The following MDFIC2 variants were observed in gnomAD, a reference collection of about 807,000 sequenced individuals.
MDFIC2 encodes the protein myoD family inhibitor domain-containing protein 2.
At chr3:70,214,341 G>C (rs949841639) in intron 2 of MDFIC2, among the ~76,000 whole-genome samples, 1 of 152,052 alleles carries the variant, frequency 6.6e-6, no homozygotes, top group Non-Finnish European at 1.5e-5. Context: ...CTAAAACCCT[G>C]CCTCAAGAAA....
At chr3:70,289,701 C>G (rs900216789) in intron 2 of MDFIC2, among the ~76,000 whole-genome samples, 1 of 152,190 alleles carries the variant, frequency 6.6e-6, no homozygotes, top group Non-Finnish European at 1.5e-5. Flanking sequence ...GTACACCAAT[C>G]AGACCTAGAT....
chr3:70,217,331 C>T (rs1057463773), intron 2 of MDFIC2, among the ~76,000 whole-genome samples: 2 of 152,074 alleles, frequency 1.3e-5, no homozygotes, highest in African/African-American at 4.8e-5. Context: ...GCATTGTTGT[C>T]ATGATTTTAA....
intron 2 of MDFIC2, among the ~76,000 whole-genome samples, chr3:70,299,683 C>T (rs1324939066): frequency 6.6e-6 from 1 of 152,098 alleles, no homozygotes; most frequent in Non-Finnish European, 1.5e-5. Flanking sequence ...CAACAAGCTT[C>T]TAACTAGTCA....
chr3:70,273,658 G>A (rs1039600381), intron 2 of MDFIC2, among the ~76,000 whole-genome samples: 3 of 152,180 alleles, frequency 2.0e-5, no homozygotes, highest in Non-Finnish European at 4.4e-5. Context: ...AGGTACAGAT[G>A]GACTTGGCAC....
At chr3:70,284,192 G>T (rs1702117392) in intron 2 of MDFIC2, among the ~76,000 whole-genome samples, 1 of 152,108 alleles carries the variant, frequency 6.6e-6, no homozygotes, top group Non-Finnish European at 1.5e-5. Flanking sequence ...TCTAATTAGA[G>T]AGACTTAATG....
At chr3:70,232,718 CAAT>C (rs763190174) in intron 2 of MDFIC2, among the ~76,000 whole-genome samples, 1 of 152,006 alleles carries the variant, frequency 6.6e-6, no homozygotes, top group Admixed American at 6.6e-5. Flanking sequence ...TAATTAGTCA[CAAT>C]AATAATGTAA....
Position 70,196,929 on chromosome 3 carries a change from G to A in MDFIC2, c.567C>T (p.Arg189=). The A allele has an allele frequency of 5.0e-6, 2 of 398,500 alleles. No homozygotes were observed. Among genetic ancestry groups the A allele is most frequent in the Non-Finnish European group, 8.8e-6 (2 of 225,998 alleles). 24.7% of individuals were successfully genotyped at this position (398,500 alleles called of 1,614,324 possible). A position where few individuals can be genotyped will look rare whatever the true frequency, so the allele number is the denominator to read the frequency against. ...GGAATGTGGTTACTTCACTGTGCTAGCGGTAACAGATTTCTGAAATCTCCA... is the reference window on the plus strand; with the variant it reads ...GGAATGTGGTTACTTCACTGTGCTAACGGTAACAGATTTCTGAAATCTCCA... ...LAMEISEICY[R] The change falls in exon 4 of 4, where the codon CGC becomes CGT. Residue 189 remains arginine, a synonymous_variant. Coordinates refer to ENST00000567252, the MANE Select transcript of MDFIC2 (RefSeq NM_001364677.1).
intron 2 of MDFIC2, among the ~76,000 whole-genome samples, chr3:70,242,407 T>C (rs1408373556): frequency 6.6e-6 from 1 of 152,192 alleles, no homozygotes. Flanking sequence ...TTTGTAGAAT[T>C]AGATAATTAT....
At chr3:70,273,590 G>A (rs1701994841) in intron 2 of MDFIC2, among the ~76,000 whole-genome samples, 1 of 152,132 alleles carries the variant, frequency 6.6e-6, no homozygotes, top group South Asian at 2.1e-4. Context: ...AAAAAGAAAT[G>A]CAGGTCTTGT....
In MDFIC2 at chr3:70,272,546, A is replaced by G. The variant is rs76005625; in HGVS notation, c.88+39340T>C. 6.5e-3 allele frequency among the ~76,000 whole-genome samples: 988 copies of G among 152,344 alleles called. 11 individuals are homozygous for G. The highest frequency in any genetic ancestry group is 0.023 in the African/African-American group (937 of 41,582). The stretch of plus-strand genomic sequence containing the variant: ...TGTTTCCTGTTTTTAGGTAATATGA[A>G]TAAGGCTGCTATAAACATTCCCGTA... On this transcript the variant is annotated intron_variant, in intron 2 of 3. Coordinates refer to ENST00000567252, the MANE Select transcript of MDFIC2 (RefSeq NM_001364677.1).
chr3:70,280,581 T>C (rs1702072211), intron 2 of MDFIC2, among the ~76,000 whole-genome samples: 1 of 152,146 alleles, frequency 6.6e-6, no homozygotes, highest in South Asian at 2.1e-4. Context: ...TATCCTAAAA[T>C]GAAGGTCTCA....
At chr3:70,250,450 CAA>C (rs1491153713) in intron 2 of MDFIC2, among the ~76,000 whole-genome samples, 6 of 140,594 alleles carry the variant, frequency 4.3e-5, no homozygotes, top group South Asian at 2.2e-4. Context: ...CACACACACA[CAA>C]ACACAAACCT....
chr3:70,223,414 A>C (rs918616577), intron 2 of MDFIC2, among the ~76,000 whole-genome samples: 1 of 152,318 alleles, frequency 6.6e-6, no homozygotes, highest in East Asian at 1.9e-4. Flanking sequence ...ACTCATATCC[A>C]GTATTTTGAG....
At chr3:70,200,815 GA>G (rs1701229802) in intron 3 of MDFIC2, among the ~76,000 whole-genome samples, 1 of 152,104 alleles carries the variant, frequency 6.6e-6, no homozygotes, top group Non-Finnish European at 1.5e-5. Flanking sequence ...GATTGTTTCT[GA>G]CTGTCCTAAA....
chr3:70,199,631 G>T (rs1388961707), intron 3 of MDFIC2, among the ~76,000 whole-genome samples: 1 of 152,148 alleles, frequency 6.6e-6, no homozygotes, highest in Non-Finnish European at 1.5e-5. Context: ...TTCTACATGA[G>T]CAGGTAAAAC....
At chr3:70,300,106 T>G (rs1484989212) in intron 2 of MDFIC2, among the ~76,000 whole-genome samples, 5 of 152,144 alleles carry the variant, frequency 3.3e-5, no homozygotes, top group Non-Finnish European at 7.4e-5. Flanking sequence ...CTAGATGTGC[T>G]GCTTCCTACC....
At chr3:70,221,394 G>A (rs921848035) in intron 2 of MDFIC2, among the ~76,000 whole-genome samples, 3 of 152,064 alleles carry the variant, frequency 2.0e-5, no homozygotes, top group Non-Finnish European at 4.4e-5. Flanking sequence ...GAAGAAGGGC[G>A]CTGTGCCTTA....
At chr3:70,222,607 A>G (rs1701471069) in intron 2 of MDFIC2, among the ~76,000 whole-genome samples, 1 of 152,148 alleles carries the variant, frequency 6.6e-6, no homozygotes, top group Non-Finnish European at 1.5e-5. Context: ...TAGAAATTCC[A>G]AAAGAATAAT....
At chr3:70,297,220 C>G (rs948991937) in intron 2 of MDFIC2, among the ~76,000 whole-genome samples, 4 of 151,972 alleles carry the variant, frequency 2.6e-5, no homozygotes, top group African/African-American at 2.4e-5. Flanking sequence ...TTGCCTAGCT[C>G]TTGGTAATTA....
Sources: allele counts gnomAD v4.1 joint callset (sites outside exome capture counted in the v4.1 genomes callset), GRCh38; gene constraint gnomAD v4.1.1; transcripts MANE v1.5; gene names NCBI Gene and HGNC (gene_info 2026-07-23, HGNC 2026-07-21).